Variants in LRBA observed in about 807,000 individuals in gnomAD.
LRBA encodes the protein lipopolysaccharide-responsive and beige-like anchor protein.
A neutral mutation model predicts 330.0 loss-of-function variants in LRBA; 176 were observed. That is an observed-to-expected ratio of 0.53 (90% CI 0.47 to 0.60). LRBA has a LOEUF of 0.60. Among genes scored for constraint, LRBA ranks in the 20% least tolerant of loss-of-function variants. LRBA has a pLI of 0.00. For synonymous variants in LRBA, 1,230 were observed against 1,193.0 expected (o/e 1.03, Z -0.64); for missense variants, 3,259 against 3,444.8 (o/e 0.95, Z 1.35).
rs137857383 is a variant in LRBA at position 150,907,990 on chromosome 4, T to G, written c.1493+344A>C. Among the ~76,000 whole-genome samples the G allele has an allele frequency of 1.6e-3, 251 of 152,248 alleles. 2 individuals carry two copies. The highest frequency in any genetic ancestry group is 5.9e-3 in the African/African-American group (244 of 41,572). On this transcript the variant is annotated intron_variant, in intron 11 of 56. Transcript: ENST00000651943. ...ATCATTACCAAATAATTTTAAATAT[T>G]TCAGAAATTAAAAATTTCTTATTGC...
chr4:150,381,612 T>C (rs1459099253), intron 47 of LRBA, among the ~76,000 whole-genome samples: 3 of 152,216 alleles, frequency 2.0e-5, no homozygotes, highest in Non-Finnish European at 4.4e-5. Context: ...GGTAGGCATT[T>C]GGGTTGTTTC....
At chr4:150,292,372 T>G (rs1302979149) in intron 53 of LRBA, among the ~76,000 whole-genome samples, 1 of 152,228 alleles carries the variant, frequency 6.6e-6, no homozygotes, top group Non-Finnish European at 1.5e-5. Flanking sequence ...CTCCTTACTC[T>G]TATGAAAATC....
intron 22 of LRBA, among the ~76,000 whole-genome samples, chr4:150,863,482 C>T (rs753021126): frequency 3.9e-5 from 6 of 151,918 alleles, no homozygotes; most frequent in African/African-American, 1.2e-4. Flanking sequence ...GCCAATATGG[C>T]GAAACACCGT....
chr4:150,807,647 T>C (rs1743003852), intron 32 of LRBA, among the ~76,000 whole-genome samples: 1 of 151,884 alleles, frequency 6.6e-6, no homozygotes, highest in African/African-American at 2.4e-5. Flanking sequence ...GTTGTTGTTG[T>C]TGTTGTTGTT....
intron 43 of LRBA, among the ~76,000 whole-genome samples, chr4:150,468,685 T>C (rs888723566): frequency 4.6e-5 from 7 of 152,074 alleles, no homozygotes; most frequent in African/African-American, 9.6e-5. Context: ...TATATTAATA[T>C]TGTTTGAATT....
At chr4:150,793,970 C>T (rs1245765674) in intron 34 of LRBA, among the ~76,000 whole-genome samples, 1 of 152,114 alleles carries the variant, frequency 6.6e-6, no homozygotes, top group Admixed American at 6.5e-5. Context: ...TTTATACTTA[C>T]AATTTGTGGT....
intron 40 of LRBA, chr4:150,584,034 G>A (rs1295775987): frequency 6.2e-7 from 1 of 1,611,598 alleles, no homozygotes; most frequent in South Asian, 1.1e-5. Context: ...ATTCGGCCCT[G>A]GAGAGCGCTG....
In LRBA at chr4:150,900,038, A is replaced by G. The variant is rs1330965770; in HGVS notation, c.1924+11T>C. The G allele has an allele frequency of 6.3e-7, 1 of 1,595,696 alleles. No individual in the cohort carries two copies. The highest frequency in any genetic ancestry group is 1.7e-5 in the Admixed American group (1 of 57,872). On this transcript the variant is annotated intron_variant, in intron 14 of 56. Coordinates refer to ENST00000651943, the MANE Select transcript of LRBA (RefSeq NM_001364905.1). The stretch of plus-strand genomic sequence containing the variant: ...TTTGTGTAAAGTAATATACAGACAG[A>G]AATTATATACCTAATCCTTTTGGGG...
At chr4:150,435,390 A>C (rs1483922919) in intron 46 of LRBA, among the ~76,000 whole-genome samples, 199 bp downstream of exon 46, 2 of 151,908 alleles carry the variant, frequency 1.3e-5, no homozygotes, top group Non-Finnish European at 2.9e-5. Flanking sequence ...CAAAACAATA[A>C]CAACAAAAAC....
intron 22 of LRBA, among the ~76,000 whole-genome samples, chr4:150,853,532 G>A (rs1477940784): frequency 1.3e-5 from 2 of 152,114 alleles, no homozygotes; most frequent in Non-Finnish European, 2.9e-5. Context: ...TGAACTGGTC[G>A]AAAATAGTCT....
intron 34 of LRBA, among the ~76,000 whole-genome samples, chr4:150,782,011 G>A (rs925878654): frequency 4.6e-5 from 7 of 152,024 alleles, no homozygotes; most frequent in Non-Finnish European, 4.4e-5. Flanking sequence ...GGGTTCAAGC[G>A]ATCCTCCCAT....
intron 35 of LRBA, among the ~76,000 whole-genome samples, chr4:150,755,492 C>G (rs1229972449): frequency 6.6e-6 from 1 of 152,090 alleles, no homozygotes; most frequent in Admixed American, 6.6e-5. Flanking sequence ...TTAAATTAAA[C>G]ACAAAACTAT....
intron 34 of LRBA, among the ~76,000 whole-genome samples, chr4:150,772,274 T>C (rs1736686967): frequency 6.6e-6 from 1 of 152,186 alleles, no homozygotes; most frequent in African/African-American, 2.4e-5. Context: ...CAGAACAATC[T>C]ATACACCAGG....
At chr4:150,887,756 ACGACTC>A (rs1729093678) in intron 17 of LRBA, among the ~76,000 whole-genome samples, 1 of 135,358 alleles carries the variant, frequency 7.4e-6, no homozygotes, top group African/African-American at 2.8e-5. Flanking sequence ...GCAACAGAGC[ACGACTC>A]CGTCTCAAAA....
chr4:150,564,985 G>A (rs186428110), intron 40 of LRBA, among the ~76,000 whole-genome samples: 2 of 152,230 alleles, frequency 1.3e-5, no homozygotes, highest in Admixed American at 1.3e-4. Flanking sequence ...ATTCCTCAAG[G>A]ATCTAGAACT....
chr4:150,806,485 CATATAT>C (rs371782650), intron 32 of LRBA, 81 bp from the exon 33 acceptor site: 2 of 760,322 alleles, frequency 2.6e-6, no homozygotes, highest in African/African-American at 3.8e-5. Context: ...GATGTATTTC[CATATAT>C]ATATATAATT....
intron 2 of LRBA, among the ~76,000 whole-genome samples, chr4:150,949,375 T>C (rs1393170377): frequency 2.0e-5 from 3 of 151,986 alleles, no homozygotes; most frequent in Non-Finnish European, 4.4e-5. Context: ...CTGACAAAAA[T>C]ATAGAAATTG....
chr4:150,860,462 A>C (rs1011721782), intron 22 of LRBA, among the ~76,000 whole-genome samples: 5 of 152,086 alleles, frequency 3.3e-5, no homozygotes, highest in African/African-American at 1.2e-4. Context: ...GGCACTAGAG[A>C]CCTCTCCTTA....
At position 150,785,878 on chromosome 4, in the gene LRBA, C is replaced by G. The variant is rs751322442; in HGVS notation, c.5580+12203G>C. Among the ~76,000 whole-genome samples the G allele has an allele frequency of 2.0e-5, 3 of 152,126 alleles. No homozygotes were observed. In the East Asian group the frequency reaches 5.8e-4, roughly 29 times the overall value. On this transcript the variant is annotated intron_variant, in intron 34 of 56. Coordinates refer to ENST00000651943, the MANE Select transcript of LRBA (RefSeq NM_001364905.1). ...AATTAGAGTAGTAATACAAGTAACA[C>G]GACATCAGTGTTACTTGTATTTTGG... is the stretch of plus-strand genomic sequence containing the variant.
Sources: gnomAD v4.1 joint callset for allele counts (sites outside exome capture counted in the v4.1 genomes callset) on GRCh38, gnomAD v4.1.1 for gene constraint, MANE v1.5 for transcripts, NCBI Gene and HGNC (gene_info 2026-07-23, HGNC 2026-07-21) for gene names.